LAIR2: variants seen among roughly 807,000 people sequenced by gnomAD.
The protein encoded by LAIR2 is leukocyte associated immunoglobulin like receptor 2.
Under a neutral mutation model 14.8 loss-of-function variants are expected in LAIR2, and 14 were observed. That is an observed-to-expected ratio of 0.95 (90% confidence interval 0.62 to 1.48). LAIR2 has a LOEUF of 1.48. Among genes scored for constraint, LAIR2 ranks in the 40% most tolerant of loss-of-function variants. The probability of loss-of-function intolerance (pLI) is 0.00; values close to 1 mark genes in which losing one functional copy is unlikely to be tolerated. For missense variants in LAIR2, 172 were observed against 180.9 expected (o/e 0.95, Z 0.28); for synonymous variants, 75 against 74.5 (o/e 1.01, Z -0.03).
At chr19:54,506,758 G>A (rs1240369639) in intron 2 of LAIR2, among the ~76,000 whole-genome samples, 1 of 152,196 alleles carries the variant, frequency 6.6e-6, no homozygotes, top group Non-Finnish European at 1.5e-5. Context: ...CTGAGATATG[G>A]TTAAAAGAAA....
intron 2 of LAIR2, among the ~76,000 whole-genome samples, chr19:54,505,436 A>G (rs1203238856): frequency 6.6e-6 from 1 of 151,828 alleles, no homozygotes; most frequent in Non-Finnish European, 1.5e-5. Context: ...CCCCCAGGTG[A>G]CAGCCCTTCT....
At chr19:54,505,526 C>T (rs1179383906) in intron 2 of LAIR2, among the ~76,000 whole-genome samples, 5 of 152,138 alleles carry the variant, frequency 3.3e-5, no homozygotes, top group Admixed American at 2.6e-4. Flanking sequence ...CAGGGACTGG[C>T]GATTTGCAAA....
intron 3 of LAIR2, 138 bp downstream of exon 3, chr19:54,508,322 C>G: frequency 1.3e-6 from 1 of 799,488 alleles, no homozygotes; most frequent in Non-Finnish European, 2.0e-6. Flanking sequence ...CCCTCCCCTC[C>G]CCTTCTTCCT....
chr19:54,507,935 A>G lies in LAIR2; in HGVS notation c.115A>G (p.Ile39Val), dbSNP rs1217785115. The change falls in exon 3 of 5, where the codon ATC (isoleucine) becomes GTC (valine). Residue 39 changes from isoleucine (I) to valine (V), a missense_variant. Physicochemically the swap from Ile to Val is conservative, Grantham distance 29. Transcript: ENST00000301202. ...CATCTCGGCTGAGCCAGGCACTGTG[A>G]TCTCCCCGGGGAGCCATGTGACTTT... ...PSISAEPGTV[I>V]SPGSHVTFMC... The G allele has an allele frequency of 1.9e-6, 3 of 1,613,858 alleles. No homozygotes were observed. The highest frequency in any genetic ancestry group is 2.5e-6 in the Non-Finnish European group (3 of 1,179,992).
intron 2 of LAIR2, among the ~76,000 whole-genome samples, chr19:54,507,602 G>A (rs2085388252): frequency 6.6e-6 from 1 of 152,128 alleles, no homozygotes. Context: ...CAGCAGGCAT[G>A]AAGGGCTCCA....
intron 2 of LAIR2, among the ~76,000 whole-genome samples, chr19:54,504,475 G>A (rs148499551): frequency 1.4e-3 from 205 of 151,140 alleles, no homozygotes; most frequent in African/African-American, 4.8e-3. Flanking sequence ...AGCCTGCTAT[G>A]CAATAGATCT....
At position 54,507,236 on chromosome 19, in the gene LAIR2, A is replaced by G. The variant is rs935594026; in HGVS notation, c.71-655A>G. On this transcript the variant is annotated intron_variant, in intron 2 of 4. Transcript: ENST00000301202. ...GGGGTTTTTCAAGAGCCTTAATAACAAGGAAATGCAAATTAAGCTGAGAAG... is the reference window on the plus strand; with the variant it reads ...GGGGTTTTTCAAGAGCCTTAATAACGAGGAAATGCAAATTAAGCTGAGAAG... Among the ~76,000 whole-genome samples, 66 of 147,972 alleles carry G rather than the reference A, an allele frequency of 4.5e-4. 2 individuals carry two copies. The highest frequency in any genetic ancestry group is 1.5e-3 in the African/African-American group (61 of 40,826).
intron 4 of LAIR2, among the ~76,000 whole-genome samples, 194 bp from the exon 5 acceptor site, chr19:54,510,332 T>G (rs62131569): frequency 0.085 from 12,904 of 151,416 alleles, 735 homozygotes; most frequent in Non-Finnish European, 0.13. Context: ...GCTCTATGCC[T>G]GACGGTGACT....
intron 1 of LAIR2, 41 bp downstream of exon 1, chr19:54,502,993 G>A (rs779260788): frequency 1.6e-5 from 25 of 1,585,912 alleles, no homozygotes; most frequent in African/African-American, 5.4e-5. Context: ...AAAGGGGGTC[G>A]GGAGGTCTGG....
intron 3 of LAIR2, 72 bp downstream of exon 3, chr19:54,508,256 T>C: frequency 5.5e-6 from 8 of 1,441,484 alleles, no homozygotes; most frequent in South Asian, 1.3e-5. Flanking sequence ...CCCTGGTCCC[T>C]GTCCCGGCTG....
chr19:54,508,540 G>C (rs1048110440), intron 3 of LAIR2, among the ~76,000 whole-genome samples: 1 of 152,202 alleles, frequency 6.6e-6, no homozygotes, highest in African/African-American at 2.4e-5. Flanking sequence ...AGGATTGATG[G>C]TCCCATTTGT....
At chr19:54,504,915 G>A (rs927127680) in intron 2 of LAIR2, among the ~76,000 whole-genome samples, 2 of 152,164 alleles carry the variant, frequency 1.3e-5, no homozygotes, top group Non-Finnish European at 2.9e-5. Flanking sequence ...CGGCCGAGAT[G>A]AACTTTTTTA....
Position 54,502,900 on chromosome 19 carries a change from G to C in LAIR2, c.-19G>C. 1 of 1,614,168 alleles carries C rather than the reference G, an allele frequency of 6.2e-7. No individual in the cohort carries two copies. The highest frequency in any genetic ancestry group is 1.7e-5 in the Admixed American group (1 of 60,034). ...ATCCTGTCTGCTTGTGTCTGCTGCA[G>C]AGTTCTGGGACCGGGGCCATGTCTC... On this transcript the variant is annotated 5_prime_UTR_variant, in exon 1 of 5. Transcript: ENST00000301202.
At chr19:54,507,869 T>A (rs2085391675) in intron 2 of LAIR2, 22 bp from the exon 3 acceptor site, 1 of 1,605,564 alleles carries the variant, frequency 6.2e-7, no homozygotes, top group Non-Finnish European at 8.5e-7. Context: ...GACGCTGAGA[T>A]CCTTCTTTGC....
In LAIR2 at chr19:54,507,924, C is replaced by T. The variant is rs543011776; in HGVS notation, c.104C>T (p.Pro35Leu). The T allele has an allele frequency of 3.1e-6, 5 of 1,614,156 alleles. No homozygotes were observed. The African/African-American group carries it at 6.7e-5, about 22-fold the overall frequency. Residue 35 changes from proline (P) to leucine (L), a missense_variant, in exon 3 of 5, where the codon CCA becomes CTA. Physicochemically the swap from Pro to Leu is moderately conservative, Grantham distance 98 (BLOSUM62 -3). Coordinates refer to ENST00000301202, the MANE Select transcript of LAIR2 (RefSeq NM_002288.6). ...CCCAGACCCTCCATCTCGGCTGAGC[C>T]AGGCACTGTGATCTCCCCGGGGAGC... ...ALPRPSISAE[P>L]GTVISPGSHV... is the part of the protein sequence containing the mutation.
At chr19:54,503,458 C>CAA (rs1568446121) in intron 1 of LAIR2, among the ~76,000 whole-genome samples, 9 of 151,184 alleles carry the variant, frequency 6.0e-5, no homozygotes, top group African/African-American at 2.2e-4. Flanking sequence ...AACTCCGTCT[C>CAA]CAACAACACC....
chr19:54,510,646 T>C lies in LAIR2; in HGVS notation c.*77T>C, dbSNP rs564797569. 2.7e-6 allele frequency: 4 copies of C among 1,505,980 alleles called. No homozygotes were observed. In the East Asian group the frequency reaches 9.0e-5, roughly 34 times the overall value. 93.3% of individuals were successfully genotyped at this position (1,505,980 alleles called of 1,614,324 possible). A position where few individuals can be genotyped will look rare whatever the true frequency, so the allele number is the denominator to read the frequency against. ...AGAATGAGCAATAGAAATGCACAGA[T>C]GCCTATACATACATATACAAATAAA... is the stretch of plus-strand genomic sequence containing the variant. On this transcript the variant is annotated 3_prime_UTR_variant, in exon 5 of 5. Transcript: ENST00000301202.
chr19:54,503,190 G>A (rs1291083160), intron 1 of LAIR2, among the ~76,000 whole-genome samples: 4 of 151,768 alleles, frequency 2.6e-5, no homozygotes, highest in Admixed American at 6.6e-5. Flanking sequence ...GGCCAGGCGC[G>A]GTGCTCACAC....
rs750032859 is a variant in LAIR2, at chr19:54,508,119, GCTGCCTCTATTATAAGCCCC to G, written c.303_322del (p.Cys101TrpfsTer4). ...AGTGAAGGAAATGCCGGGCTTTATC[GCTGCCTCTATTATAAGCCCC>G]CTGGATGGTCTGAGCACAGTGACTT... On this transcript the variant is annotated frameshift_variant, in exon 3 of 5. Coordinates refer to ENST00000301202, the MANE Select transcript of LAIR2 (RefSeq NM_002288.6). LOFTEE classifies it high-confidence loss of function. The G allele has an allele frequency of 6.2e-7, 1 of 1,614,114 alleles. No homozygotes were observed. Among genetic ancestry groups the G allele is most frequent in the African/African-American group, 1.3e-5 (1 of 75,028 alleles).
Sources: gnomAD v4.1 joint callset for allele counts (sites outside exome capture counted in the v4.1 genomes callset) on GRCh38, gnomAD v4.1.1 for gene constraint, MANE v1.5 for transcripts, NCBI Gene and HGNC (gene_info 2026-07-23, HGNC 2026-07-21) for gene names.